COLEC12: variants seen among roughly 807,000 people sequenced by gnomAD.
COLEC12 encodes collectin subfamily member 12, also known as collectin-12.
A neutral mutation model predicts 71.1 loss-of-function variants in COLEC12; 33 were observed. That is an observed-to-expected ratio of 0.46 (90% CI 0.35 to 0.62). The LOEUF is 0.62. COLEC12 is among the 20% of genes least tolerant of loss of function. The pLI is 0.00. For synonymous variants in COLEC12, 350 were observed against 353.0 expected (o/e 0.99, Z 0.10); for missense variants, 765 against 916.1 (o/e 0.84, Z 2.13).
intron 1 of COLEC12, among the ~76,000 whole-genome samples, chr18:497,383 GGTGTGTGTGTGTGT>G (rs10689788): frequency 0.19 from 28,314 of 147,158 alleles, 2,942 homozygotes; most frequent in African/African-American, 0.28. Context: ...TAAAGAATGG[GGTGTGTGTGTGTGT>G]GTGTGTGTGT....
At chr18:378,178 C>T (rs930972644) in intron 2 of COLEC12, among the ~76,000 whole-genome samples, 1 of 152,140 alleles carries the variant, frequency 6.6e-6, no homozygotes, top group African/African-American at 2.4e-5. Flanking sequence ...ACTGCAGTTA[C>T]TTGTGGGTGG....
intron 7 of COLEC12, 100 bp downstream of exon 7, chr18:332,907 G>T (rs1914016307): frequency 1.8e-6 from 2 of 1,090,694 alleles, no homozygotes; most frequent in South Asian, 1.7e-5. Context: ...ACGTGACTAG[G>T]AATTCGTGAT....
At chr18:395,967 C>T (rs1249575976) in intron 2 of COLEC12, among the ~76,000 whole-genome samples, 1 of 152,210 alleles carries the variant, frequency 6.6e-6, no homozygotes, top group Non-Finnish European at 1.5e-5. Flanking sequence ...GTGCAATTTA[C>T]AGGCCCTGTG....
At position 346,948 on chromosome 18, in the gene COLEC12, C is replaced by T. The variant is rs147145179; in HGVS notation, c.674G>A (p.Arg225Gln). The T allele has an allele frequency of 2.3e-4, 371 of 1,614,006 alleles. No homozygotes were observed. The highest frequency in any genetic ancestry group is 2.9e-4 in the Non-Finnish European group (347 of 1,180,006). The change falls in exon 5 of 10, where the codon CGG (arginine) becomes CAG (glutamine). Residue 225 changes from arginine (R) to glutamine (Q), a missense_variant. Physicochemically the swap from Arg to Gln is conservative, Grantham distance 43. Transcript: ENST00000400256. The surrounding 1 kb of genome is among the most constrained non-coding windows in gnomAD (Gnocchi z 4.0). Reference protein sequence around the residue: ...QQRNLITNLQRSVDDTSQAIQ... With the variant: ...QQRNLITNLQQSVDDTSQAIQ... ...AGCCTGGCTTGTGTCATCCACAGAC[C>T]GCTGCAGATTCGTGATGAGGTTCCT...
intron 2 of COLEC12, among the ~76,000 whole-genome samples, chr18:363,167 A>G (rs780693307): frequency 3.3e-5 from 5 of 152,208 alleles, no homozygotes; most frequent in Non-Finnish European, 5.9e-5. Context: ...GTGGTTCTCC[A>G]TAAAGAGCCC....
chr18:406,303 A>T (rs1428910159), intron 2 of COLEC12, among the ~76,000 whole-genome samples: 1 of 151,972 alleles, frequency 6.6e-6, no homozygotes, highest in East Asian at 1.9e-4. Flanking sequence ...AGGTCAGGAG[A>T]TCGAGACCAT....
At chr18:382,796 T>C (rs1249134259) in intron 2 of COLEC12, among the ~76,000 whole-genome samples, 1 of 152,218 alleles carries the variant, frequency 6.6e-6, no homozygotes, top group Non-Finnish European at 1.5e-5. Context: ...CAAATGTTAT[T>C]TTTAAATTTT....
chr18:368,836 A>C lies in COLEC12; in HGVS notation c.59-11314T>G, dbSNP rs955602032. On this transcript the variant is annotated intron_variant, in intron 2 of 9. Coordinates refer to ENST00000400256, the MANE Select transcript of COLEC12 (RefSeq NM_130386.3). ...AGCCGAGATCACGTCACTGCACTCC[A>C]GCCTGGGCAACAGAGCGAGACTCCG... 2.0e-4 allele frequency among the ~76,000 whole-genome samples: 31 copies of C among 152,230 alleles called. 1 individual carries two copies. Among genetic ancestry groups the C allele is most frequent in the African/African-American group, 6.5e-4 (27 of 41,474 alleles).
At chr18:363,942 T>C (rs1019614233) in intron 2 of COLEC12, among the ~76,000 whole-genome samples, 2 of 152,204 alleles carry the variant, frequency 1.3e-5, no homozygotes, top group African/African-American at 4.8e-5. Flanking sequence ...GAATTGGAAA[T>C]GAAATCACTT....
At chr18:438,692 T>C (rs1009603665) in intron 2 of COLEC12, among the ~76,000 whole-genome samples, 1 of 151,276 alleles carries the variant, frequency 6.6e-6, no homozygotes, top group African/African-American at 2.4e-5. Flanking sequence ...ATGCCTGTAG[T>C]CCCAGCTACT....
At chr18:340,686 T>A (rs1598330942) in intron 5 of COLEC12, among the ~76,000 whole-genome samples, 1 of 152,338 alleles carries the variant, frequency 6.6e-6, no homozygotes, top group East Asian at 1.9e-4. Context: ...GTGGTAAGAT[T>A]GGAAGATAGA....
intron 2 of COLEC12, among the ~76,000 whole-genome samples, chr18:460,681 C>T (rs1017232992): frequency 3.3e-5 from 5 of 152,226 alleles, no homozygotes. Flanking sequence ...GGCCAACTCT[C>T]TAGAATTAAG....
intron 2 of COLEC12, among the ~76,000 whole-genome samples, chr18:397,786 T>C (rs1288150191): frequency 2.6e-5 from 4 of 152,198 alleles, no homozygotes; most frequent in Non-Finnish European, 5.9e-5. Context: ...TCCACTAGAC[T>C]CTCTGCCCTT....
intron 2 of COLEC12, among the ~76,000 whole-genome samples, chr18:396,690 A>T (rs1915579149): frequency 6.6e-6 from 1 of 152,244 alleles, no homozygotes; most frequent in Non-Finnish European, 1.5e-5. Context: ...CCCTTCTGGA[A>T]GCCTTTCTGC....
At position 362,121 on chromosome 18, in the gene COLEC12, C is replaced by T. The variant is rs543001712; in HGVS notation, c.59-4599G>A. ...CTCCCATCCTTCCCCGTGAGCTAGCCCTGTGGCCGCCAGGCATCTGGTGCA... is the reference window on the plus strand; with the variant it reads ...CTCCCATCCTTCCCCGTGAGCTAGCTCTGTGGCCGCCAGGCATCTGGTGCA... On this transcript the variant is annotated intron_variant, in intron 2 of 9. Transcript: ENST00000400256. The surrounding 1 kb of genome is among the most constrained non-coding windows in gnomAD (Gnocchi z 4.6). Among the ~76,000 whole-genome samples the T allele has an allele frequency of 1.3e-5, 2 of 152,288 alleles. No individual in the cohort carries two copies. Among genetic ancestry groups the T allele is most frequent in the African/African-American group, 4.8e-5 (2 of 41,558 alleles).
rs1262854570 is a variant in COLEC12 at position 399,646 on chromosome 18, T to G, written c.59-42124A>C. ...TATTTGCTTGAGTTTTAATCTGAGT[T>G]AAAATGCAGCCGCTTTGGGGAAGAA... On this transcript the variant is annotated intron_variant, in intron 2 of 9. Coordinates refer to ENST00000400256, the MANE Select transcript of COLEC12 (RefSeq NM_130386.3). This position sits in a 1 kb window ranked among gnomAD's most constrained non-coding sequence, Gnocchi z 4.0. 6.6e-6 allele frequency among the ~76,000 whole-genome samples: 1 copy of G among 152,204 alleles called. No individual in the cohort carries two copies. Among genetic ancestry groups the G allele is most frequent in the Non-Finnish European group, 1.5e-5 (1 of 68,026 alleles).
At chr18:443,901 G>C (rs1916594610) in intron 2 of COLEC12, among the ~76,000 whole-genome samples, 1 of 152,000 alleles carries the variant, frequency 6.6e-6, no homozygotes, top group African/African-American at 2.4e-5. Context: ...AGTGTGTGGA[G>C]TCTCCTCCCC....
chr18:424,942 G>T (rs1250806359), intron 2 of COLEC12, among the ~76,000 whole-genome samples: 1 of 152,128 alleles, frequency 6.6e-6, no homozygotes, highest in Non-Finnish European at 1.5e-5. Context: ...TCATGGGTGT[G>T]GGGGAGAGGA....
intron 8 of COLEC12, among the ~76,000 whole-genome samples, chr18:329,604 T>C (rs934214930): frequency 6.6e-6 from 1 of 152,150 alleles, no homozygotes; most frequent in East Asian, 1.9e-4. Flanking sequence ...AAGTGCCAGA[T>C]TATGCCAGGG....
Sources: gnomAD v4.1 joint callset for allele counts (sites outside exome capture counted in the v4.1 genomes callset) on GRCh38, gnomAD v4.1.1 for gene constraint, Gnocchi (gnomAD v3.1) non-coding constraint, MANE v1.5 for transcripts, NCBI Gene and HGNC (gene_info 2026-07-23, HGNC 2026-07-21) for gene names.